The following ERI3 variants were observed in gnomAD, a reference collection of about 807,000 sequenced individuals.
ERI3 encodes ERI1 exoribonuclease 3.
A neutral mutation model predicts 44.4 loss-of-function variants in ERI3; 18 were observed. The observed-to-expected ratio is 0.41, with a 90% confidence interval of 0.28 to 0.60. The LOEUF (loss-of-function observed/expected upper bound fraction) is 0.60. Ranked by LOEUF, ERI3 falls within the 20% of genes least tolerant of loss-of-function variation. The pLI, the probability that ERI3 is intolerant of heterozygous loss-of-function variation, is 0.36. For synonymous variants in ERI3, 183 were observed against 164.8 expected, an observed-to-expected ratio of 1.11 and a Z score of -0.84; for missense variants, 294 against 435.5, an observed-to-expected ratio of 0.68 and a Z score of 2.89.
intron 5 of ERI3, among the ~76,000 whole-genome samples, chr1:44,311,652 A>G (rs746828406): frequency 3.3e-5 from 5 of 151,872 alleles, no homozygotes; most frequent in Non-Finnish European, 5.9e-5. Context: ...GGCCACTGAG[A>G]AAAAAAACCC....
chr1:44,259,970 C>T (rs1644862219), intron 7 of ERI3, among the ~76,000 whole-genome samples: 1 of 151,408 alleles, frequency 6.6e-6, no homozygotes, highest in South Asian at 2.1e-4. Flanking sequence ...TGCACATCTA[C>T]CCCTCCTTAT....
chr1:44,307,422 CACACACACACAGAG>C (rs1183211899), intron 6 of ERI3, among the ~76,000 whole-genome samples: 4 of 151,988 alleles, frequency 2.6e-5, no homozygotes, highest in Non-Finnish European at 4.4e-5. Flanking sequence ...CACACACAAA[CACACACACACAGAG>C]ACACACACAC....
chr1:44,235,568 A>G lies in ERI3; in HGVS notation c.931+12371T>C, dbSNP rs548035753. Among the ~76,000 whole-genome samples, 1 of 152,330 alleles carries G rather than the reference A, an allele frequency of 6.6e-6. No individual in the cohort carries two copies. The highest frequency in any genetic ancestry group is 1.9e-4 in the East Asian group (1 of 5,192). ...AAGGAAGGAAGGACTAGAGGAAAAGAAAGAGGGGCAAGATCACACGCAAAC... is the reference window on the plus strand; with the variant it reads ...AAGGAAGGAAGGACTAGAGGAAAAGGAAGAGGGGCAAGATCACACGCAAAC... On this transcript the variant is annotated intron_variant, in intron 8 of 8. Transcript: ENST00000372257. The surrounding 1 kb of genome is among the most constrained non-coding windows in gnomAD (Gnocchi z 4.6).
intron 4 of ERI3, among the ~76,000 whole-genome samples, chr1:44,314,669 G>A (rs1266184977): frequency 6.6e-6 from 1 of 152,178 alleles, no homozygotes; most frequent in Non-Finnish European, 1.5e-5. Context: ...CTGGGGGGCT[G>A]GGAGTGGGGA....
At chr1:44,298,844 C>T (rs915542239) in intron 6 of ERI3, among the ~76,000 whole-genome samples, 1 of 152,182 alleles carries the variant, frequency 6.6e-6, no homozygotes, top group Non-Finnish European at 1.5e-5. Context: ...CTTGAGCCCA[C>T]GGAGGTAGAG....
At chr1:44,281,880 G>GCA (rs1645296637) in intron 7 of ERI3, among the ~76,000 whole-genome samples, 1 of 44,840 alleles carries the variant, frequency 2.2e-5, no homozygotes, top group Non-Finnish European at 4.7e-5. Context: ...ATGTGCATAT[G>GCA]TGTGTGTGTG....
intron 6 of ERI3, among the ~76,000 whole-genome samples, chr1:44,307,957 A>ACTTATTTGTTAG (rs1557838031): frequency 6.6e-6 from 1 of 152,218 alleles, no homozygotes; most frequent in Non-Finnish European, 1.5e-5. Context: ...ACTATATTTA[A>ACTTATTTGTTAG]TTACATAGTA....
Position 44,241,643 on chromosome 1 carries a change from A to G in ERI3, c.931+6296T>C, listed in dbSNP as rs1478692375. ...CCGCAGAGTCTATCTGCAAGTGCTA[A>G]TTTGGCCGGCATTGATCTGTCTTTC... On this transcript the variant is annotated intron_variant, in intron 8 of 8. Transcript: ENST00000372257. This position sits in a 1 kb window ranked among gnomAD's most constrained non-coding sequence, Gnocchi z 5.6. Among the ~76,000 whole-genome samples, 1 of 152,052 alleles carries G rather than the reference A, an allele frequency of 6.6e-6. No individual in the cohort carries two copies. The highest frequency in any genetic ancestry group is 1.5e-5 in the Non-Finnish European group (1 of 68,004).
intron 6 of ERI3, among the ~76,000 whole-genome samples, chr1:44,307,420 AAC>A (rs146112762): frequency 7.2e-5 from 11 of 151,762 alleles, no homozygotes; most frequent in African/African-American, 2.7e-4. Context: ...CACACACACA[AAC>A]ACACACACAC....
intron 6 of ERI3, among the ~76,000 whole-genome samples, chr1:44,287,962 G>T (rs1178792346): frequency 1.3e-5 from 2 of 152,178 alleles, no homozygotes; most frequent in Non-Finnish European, 2.9e-5. Flanking sequence ...TCTTTTAGTT[G>T]ACACAGGCCA....
chr1:44,354,852 C>G (rs774568349), intron 1 of ERI3, 40 bp downstream of exon 1: 1 of 1,314,624 alleles, frequency 7.6e-7, no homozygotes, highest in Non-Finnish European at 9.8e-7. Context: ...CATGCATTAA[C>G]CAGGGCCCAA....
chr1:44,287,868 A>G (rs1645426465), intron 6 of ERI3, among the ~76,000 whole-genome samples: 1 of 152,198 alleles, frequency 6.6e-6, no homozygotes, highest in African/African-American at 2.4e-5. Flanking sequence ...AGAATCTACA[A>G]AGGAATAAGC....
At chr1:44,346,648 A>G (rs1646788817) in intron 2 of ERI3, among the ~76,000 whole-genome samples, 1 of 152,182 alleles carries the variant, frequency 6.6e-6, no homozygotes. Flanking sequence ...CCCAGAAGAG[A>G]GGTACCCAGA....
At chr1:44,311,986 C>T (rs1182604226) in intron 5 of ERI3, among the ~76,000 whole-genome samples, 8 of 152,148 alleles carry the variant, frequency 5.3e-5, no homozygotes, top group Non-Finnish European at 8.8e-5. Flanking sequence ...TGCCCAAACT[C>T]TGACTCCCAA....
intron 6 of ERI3, among the ~76,000 whole-genome samples, chr1:44,294,157 G>A (rs1209225285): frequency 6.6e-6 from 1 of 152,176 alleles, no homozygotes; most frequent in Non-Finnish European, 1.5e-5. Context: ...CCTGCGTCTG[G>A]GTCTGGCGGC....
intron 7 of ERI3, among the ~76,000 whole-genome samples, chr1:44,248,929 G>A (rs1318053605): frequency 6.7e-6 from 1 of 149,722 alleles, no homozygotes; most frequent in African/African-American, 2.4e-5. Context: ...CCTCCACCTG[G>A]GGGGGGGACA....
chr1:44,351,888 G>A (rs1295272574), intron 2 of ERI3, among the ~76,000 whole-genome samples: 2 of 151,896 alleles, frequency 1.3e-5, no homozygotes, highest in Non-Finnish European at 2.9e-5. Context: ...ATGTGAGGAG[G>A]TTTACTTCCT....
intron 7 of ERI3, among the ~76,000 whole-genome samples, chr1:44,272,305 T>C (rs561119788): frequency 7.4e-4 from 113 of 152,238 alleles, no homozygotes; most frequent in African/African-American, 2.6e-3. Context: ...TTAATCATCA[T>C]TTACAGGTTC....
intron 8 of ERI3, among the ~76,000 whole-genome samples, chr1:44,233,965 T>C (rs954768536): frequency 6.6e-6 from 1 of 152,182 alleles, no homozygotes; most frequent in Non-Finnish European, 1.5e-5. Flanking sequence ...TTTTGATTGA[T>C]AGACAATTGG....
Sources: allele counts gnomAD v4.1 joint callset (sites outside exome capture counted in the v4.1 genomes callset), GRCh38; gene constraint gnomAD v4.1.1; non-coding constraint Gnocchi (gnomAD v3.1); transcripts MANE v1.5; gene names NCBI Gene and HGNC (gene_info 2026-07-23, HGNC 2026-07-21).